Variants in IGSF11 observed in about 807,000 individuals in gnomAD.
IGSF11 encodes immunoglobulin superfamily member 11.
In IGSF11, 22 loss-of-function variants were observed where a neutral mutation model predicts 41.0. That is an observed-to-expected ratio of 0.54 (90% CI 0.38 to 0.77). The LOEUF (loss-of-function observed/expected upper bound fraction) is 0.77, where lower values mean the gene tolerates loss of function less well. Among genes scored for constraint, IGSF11 ranks in the 30% least tolerant of loss-of-function variants. The pLI is 0.00. For missense variants in IGSF11, 444 were observed against 530.8 expected (o/e 0.84, Z 1.61); for synonymous variants, 219 against 201.3 (o/e 1.09, Z -0.74).
intron 1 of IGSF11, among the ~76,000 whole-genome samples, chr3:118,931,120 G>C (rs963232775): frequency 6.6e-6 from 1 of 151,892 alleles, no homozygotes; most frequent in East Asian, 1.9e-4. Context: ...AACTACATGG[G>C]GCAAAAATAG....
At chr3:119,073,661 T>C (rs1408831236) in intron 1 of IGSF11, among the ~76,000 whole-genome samples, 2 of 152,182 alleles carry the variant, frequency 1.3e-5, no homozygotes, top group Admixed American at 6.5e-5. Context: ...AGCCCCTCAC[T>C]GCCCAGGGCC....
At chr3:118,978,767 A>G (rs573256576) in intron 1 of IGSF11, among the ~76,000 whole-genome samples, 7 of 152,310 alleles carry the variant, frequency 4.6e-5, no homozygotes, top group African/African-American at 1.7e-4. Context: ...CCATATATTC[A>G]TCTTCAGGAA....
At chr3:119,126,277 A>G (rs2077404089) in intron 1 of IGSF11, among the ~76,000 whole-genome samples, 1 of 152,196 alleles carries the variant, frequency 6.6e-6, no homozygotes, top group Non-Finnish European at 1.5e-5. Flanking sequence ...GTGCCTCTTC[A>G]GGTCTAACCC....
At chr3:118,907,448 G>GA (rs1412656459) in intron 4 of IGSF11, among the ~76,000 whole-genome samples, 1 of 152,134 alleles carries the variant, frequency 6.6e-6, no homozygotes, top group African/African-American at 2.4e-5. Flanking sequence ...CAGTGCTAGA[G>GA]AACAGAGGGG....
At chr3:118,905,530 T>G (rs2107469348) in intron 5 of IGSF11, 66 bp downstream of exon 5, 4 of 1,555,814 alleles carry the variant, frequency 2.6e-6, no homozygotes, top group African/African-American at 2.7e-5. Flanking sequence ...ACCCTTCATT[T>G]TCTGGTATAA....
chr3:118,966,514 A>AGAT (rs1945684557), intron 1 of IGSF11, among the ~76,000 whole-genome samples: 1 of 152,192 alleles, frequency 6.6e-6, no homozygotes, highest in African/African-American at 2.4e-5. Context: ...AAAGACATCT[A>AGAT]GCCTTTCTGA....
At chr3:119,115,614 A>G (rs2077245216) in intron 1 of IGSF11, among the ~76,000 whole-genome samples, 1 of 152,142 alleles carries the variant, frequency 6.6e-6, no homozygotes, top group African/African-American at 2.4e-5. Flanking sequence ...TTTTTCCTAT[A>G]GAGTTGTTTG....
chr3:119,035,449 A>G (rs1255557837), upstream of IGSF11, among the ~76,000 whole-genome samples: 2 of 152,140 alleles, frequency 1.3e-5, no homozygotes, highest in African/African-American at 2.4e-5. Context: ...CCCCATTCCT[A>G]TCAGAGAGAC....
At chr3:118,985,017 C>G (rs1455228058) in intron 1 of IGSF11, among the ~76,000 whole-genome samples, 1 of 152,120 alleles carries the variant, frequency 6.6e-6, no homozygotes, top group African/African-American at 2.4e-5. Flanking sequence ...AGGAATACAT[C>G]CGGACTTTTT....
chr3:118,921,548 A>G (rs191091566), intron 4 of IGSF11, among the ~76,000 whole-genome samples: 1 of 152,254 alleles, frequency 6.6e-6, no homozygotes, highest in Admixed American at 6.5e-5. Context: ...TGTTCTGCAC[A>G]TCTTACATGC....
intron 1 of IGSF11, among the ~76,000 whole-genome samples, chr3:119,018,000 T>C (rs1429887279): frequency 6.6e-6 from 1 of 152,002 alleles, no homozygotes; most frequent in Non-Finnish European, 1.5e-5. Flanking sequence ...AAGAACTGAG[T>C]TTTATACCTC....
intron 1 of IGSF11, among the ~76,000 whole-genome samples, chr3:118,965,916 G>A (rs1009281480): frequency 3.3e-5 from 5 of 152,114 alleles, no homozygotes; most frequent in Admixed American, 2.6e-4. Context: ...TTCAGCAGTT[G>A]GGTGGATGAG....
chr3:118,999,576 C>A (rs891796259), intron 1 of IGSF11, among the ~76,000 whole-genome samples: 1 of 152,138 alleles, frequency 6.6e-6, no homozygotes, highest in Non-Finnish European at 1.5e-5. Flanking sequence ...AGGTTCTTGA[C>A]ATATCCTTGT....
Position 118,928,713 on chromosome 3 carries a change from T to A in IGSF11, c.220A>T (p.Ile74Phe), listed in dbSNP as rs1462846399. ...LSNANQPEQV[I>F]LYQGGQMFDG... ...AACATCTGTCCACCCTGATACAGGA[T>A]GACCTGGAAAAGAAAGCAAAATAAA... Residue 74 changes from isoleucine to phenylalanine, a missense_variant, in exon 3 of 7, where the codon ATC becomes TTC. This residue lies in a region of IGSF11 where 193 missense variants were observed against 283.5 expected (regional missense o/e 0.68). Transcript: ENST00000393775. 1 of 1,612,570 alleles carries A rather than the reference T, an allele frequency of 6.2e-7. No individual in the cohort carries two copies. The highest frequency in any genetic ancestry group is 8.5e-7 in the Non-Finnish European group (1 of 1,179,226).
At chr3:118,953,089 T>C (rs1217986200) in intron 1 of IGSF11, among the ~76,000 whole-genome samples, 1 of 151,810 alleles carries the variant, frequency 6.6e-6, no homozygotes, top group Non-Finnish European at 1.5e-5. Context: ...TCCATTGTAT[T>C]ATTTTTATAC....
At chr3:119,001,162 A>G (rs1281935932) in intron 1 of IGSF11, among the ~76,000 whole-genome samples, 2 of 151,414 alleles carry the variant, frequency 1.3e-5, no homozygotes, top group Non-Finnish European at 2.9e-5. Flanking sequence ...ATTGGCACTT[A>G]GTCATTTAAG....
At chr3:119,028,814 T>A (rs116668385) in intron 1 of IGSF11, among the ~76,000 whole-genome samples, 193 of 152,258 alleles carry the variant, frequency 1.3e-3, no homozygotes, top group African/African-American at 3.4e-3. Flanking sequence ...AAGAAATTTT[T>A]AACAAAAATT....
intron 1 of IGSF11, among the ~76,000 whole-genome samples, chr3:118,974,851 C>G (rs183653929): frequency 1.1e-4 from 16 of 151,858 alleles, no homozygotes; most frequent in African/African-American, 3.1e-4. Flanking sequence ...GAGTTAATCT[C>G]ATTAAAAATA....
chr3:119,011,577 G>A (rs1431827456), intron 1 of IGSF11, among the ~76,000 whole-genome samples: 1 of 151,904 alleles, frequency 6.6e-6, no homozygotes, highest in Non-Finnish European at 1.5e-5. Flanking sequence ...GAGAGAGAAA[G>A]AGGAACCCTG....
Sources: allele counts gnomAD v4.1 joint callset (sites outside exome capture counted in the v4.1 genomes callset), GRCh38; gene constraint gnomAD v4.1.1; regional missense constraint gnomAD v4.1.1; transcripts MANE v1.5; gene names NCBI Gene and HGNC (gene_info 2026-07-23, HGNC 2026-07-21).